Variants in FGF2 observed in about 807,000 individuals in gnomAD.
FGF2 encodes fibroblast growth factor 2, also known as basic fibroblast growth factor bFGF.
A neutral mutation model predicts 15.9 loss-of-function variants in FGF2; 13 were observed. The ratio of observed to expected loss-of-function variants is 0.82; its 90% CI spans 0.53 to 1.30. The LOEUF is 1.30. FGF2 is among the 50% of genes most tolerant of loss of function. The pLI, the probability that FGF2 is intolerant of heterozygous loss-of-function variation, is 0.00. For synonymous variants in FGF2, 90 were observed against 78.4 expected (o/e 1.15, Z -0.78); for missense variants, 163 against 196.9 (o/e 0.83, Z 1.03).
rs761906165 is a variant in FGF2, at chr4:122,893,114, T to C, written c.*718T>C. 2 of 1,614,190 alleles carry C rather than the reference T, an allele frequency of 1.2e-6. No individual in the cohort carries two copies. The highest frequency in any genetic ancestry group is 1.7e-6 in the Non-Finnish European group (2 of 1,180,028). ...CTTTAGGCGGCAGATGATATACATA[T>C]CTGACTTCCCAAAAGCTCCAGGATT... On this transcript the variant is annotated 3_prime_UTR_variant, in exon 3 of 3. Coordinates refer to ENST00000644866, the MANE Select transcript of FGF2 (RefSeq NM_001361665.2).
At position 122,826,896 on chromosome 4, in the gene FGF2, G is replaced by A; in HGVS notation, c.-279G>A. On this transcript the variant is annotated 5_prime_UTR_variant, in exon 1 of 3. Coordinates refer to ENST00000644866, the MANE Select transcript of FGF2 (RefSeq NM_001361665.2). ...CCCGGGCGCTGCAGCTTGGGAGGCG[G>A]CTCTCCCCAGGCGGCGTCCGCGGAG... The A allele has an allele frequency of 6.6e-7, 1 of 1,519,530 alleles. No individual in the cohort carries two copies. 94.1% of individuals were successfully genotyped at this position (1,519,530 alleles called of 1,614,324 possible). A position where few individuals can be genotyped will look rare whatever the true frequency, so the allele number is the denominator to read the frequency against.
chr4:122,855,639 A>T (rs78048710), intron 1 of FGF2, among the ~76,000 whole-genome samples: 4,352 of 152,222 alleles, frequency 0.029, 221 homozygotes, highest in African/African-American at 0.098. Flanking sequence ...GCTAGAAGAC[A>T]TTTTCTCATA....
rs577765433 is a variant in FGF2 at position 122,876,419 on chromosome 4, G to A, written c.277G>A (p.Ala93Thr). The change falls in exon 2 of 3, where the codon GCT becomes ACT. Residue 93 changes from alanine (A) to threonine (T), a missense_variant. Transcript: ENST00000644866. ...TATGAAGGAAGATGGAAGATTACTG[G>A]CTTCTGTAAGCATACTTTCTGTTTT... ...LAMKEDGRLL[A>T]SKCVTDECFF... 2 of 1,592,836 alleles carry A rather than the reference G, an allele frequency of 1.3e-6. No individual in the cohort carries two copies. The highest frequency in any genetic ancestry group is 2.2e-5 in the South Asian group (2 of 90,614).
chr4:122,867,681 A>G (rs567821560), intron 1 of FGF2, among the ~76,000 whole-genome samples: 1 of 152,298 alleles, frequency 6.6e-6, no homozygotes, highest in South Asian at 2.1e-4. Context: ...TCAAATGACT[A>G]TATTAGGAGG....
At position 122,897,040 on chromosome 4, in the gene FGF2, T is replaced by G. The variant is rs1727382329; in HGVS notation, c.*4644T>G. On this transcript the variant is annotated 3_prime_UTR_variant, in exon 3 of 3. Coordinates refer to ENST00000644866, the MANE Select transcript of FGF2 (RefSeq NM_001361665.2). The stretch of plus-strand genomic sequence containing the variant: ...TTTTATATTTCCTTGTCTTAAATAC[T>G]GAGCTCAGTAAGTTGTGTTAGGGGA... 6.6e-6 allele frequency: 1 copy of G among 152,208 alleles called. No individual in the cohort carries two copies. Among genetic ancestry groups the G allele is most frequent in the African/African-American group, 2.4e-5 (1 of 41,464 alleles). The allele number at this position is 152,208 out of a possible 1,614,324, so 9.4% of individuals were successfully genotyped here.
Position 122,830,816 on chromosome 4 carries a change from C to CAAAAAAA in FGF2, c.178+3482_178+3488dup, listed in dbSNP as rs35597051. Among the ~76,000 whole-genome samples, 871 of 92,784 alleles carry CAAAAAAA rather than the reference C, an allele frequency of 9.4e-3. 29 individuals are homozygous for CAAAAAAA. Among genetic ancestry groups the CAAAAAAA allele is most frequent in the South Asian group, 0.028 (63 of 2,234 alleles). The allele number at this position is 92,784 out of a possible 152,430, so 60.9% of individuals were successfully genotyped here. A position where few individuals can be genotyped will look rare whatever the true frequency, so the allele number is the denominator to read the frequency against. The stretch of plus-strand genomic sequence containing the variant: ...AATTTATTCCAGGTGCTCTTATTTA[C>CAAAAAAA]AAAAAAAAAAAAAAAAAAAAAAAAT... On this transcript the variant is annotated intron_variant, in intron 1 of 2. Coordinates refer to ENST00000644866, the MANE Select transcript of FGF2 (RefSeq NM_001361665.2).
intron 1 of FGF2, among the ~76,000 whole-genome samples, chr4:122,849,589 TTAAAG>T (rs1437689863): frequency 3.3e-5 from 5 of 152,092 alleles, no homozygotes; most frequent in East Asian, 1.9e-4. Flanking sequence ...ATCCCAGAAC[TTAAAG>T]TAAAATAAAA....
chr4:122,827,241 C>T lies in FGF2; in HGVS notation c.67C>T (p.Pro23Ser), dbSNP rs750806900. Residue 23 changes from proline to serine, a missense_variant, in exon 1 of 3, where the codon CCC becomes TCC. Physicochemically the swap from Pro to Ser is moderately conservative, Grantham distance 74 (BLOSUM62 -1). Coordinates refer to ENST00000644866, the MANE Select transcript of FGF2 (RefSeq NM_001361665.2). This position sits in a 1 kb window ranked among gnomAD's most constrained non-coding sequence, Gnocchi z 4.2. Reference sequence around the variant, plus strand: ...GGATGGCGGCAGCGGCGCCTTCCCGCCCGGCCACTTCAAGGACCCCAAGCG... The same window carrying T: ...GGATGGCGGCAGCGGCGCCTTCCCGTCCGGCCACTTCAAGGACCCCAAGCG... ...PEDGGSGAFP[P>S]GHFKDPKRLY... 16 of 1,611,914 alleles carry T rather than the reference C, an allele frequency of 9.9e-6. No individual in the cohort carries two copies. Among genetic ancestry groups the T allele is most frequent in the Admixed American group, 1.7e-5 (1 of 59,950 alleles).
At chr4:122,862,317 T>C (rs1454421518) in intron 1 of FGF2, among the ~76,000 whole-genome samples, 2 of 152,224 alleles carry the variant, frequency 1.3e-5, no homozygotes, top group Non-Finnish European at 2.9e-5. Flanking sequence ...GGATGATCCC[T>C]TACACTGCTG....
intron 1 of FGF2, among the ~76,000 whole-genome samples, chr4:122,851,444 G>T (rs1726229377): frequency 6.6e-6 from 1 of 152,114 alleles, no homozygotes; most frequent in Non-Finnish European, 1.5e-5. Context: ...CAGAAAAGAG[G>T]GTACTTCACA....
At chr4:122,871,659 T>C (rs965322534) in intron 1 of FGF2, among the ~76,000 whole-genome samples, 2 of 152,004 alleles carry the variant, frequency 1.3e-5, no homozygotes, top group African/African-American at 4.8e-5. Context: ...CCATCTTTGC[T>C]GTTCTCTAGC....
rs1401464499 is a variant in FGF2, at chr4:122,896,629, G to C, written c.*4233G>C. 6.6e-6 allele frequency: 1 copy of C among 152,056 alleles called. No individual in the cohort carries two copies. Among genetic ancestry groups the C allele is most frequent in the Non-Finnish European group, 1.5e-5 (1 of 68,008 alleles). The allele number at this position is 152,056 out of a possible 1,614,324, so 9.4% of individuals were successfully genotyped here. The stretch of plus-strand genomic sequence containing the variant: ...CATAAACTAAGCAAAAGGTCAATAA[G>C]TACCTGAAACCAAGATTGGCTAGAG... On this transcript the variant is annotated 3_prime_UTR_variant, in exon 3 of 3. Transcript: ENST00000644866.
chr4:122,827,362 G>A lies in FGF2; in HGVS notation c.178+10G>A, dbSNP rs377621586. On this transcript the variant is annotated intron_variant, in intron 1 of 2. Transcript: ENST00000644866. The surrounding 1 kb of genome is among the most constrained non-coding windows in gnomAD (Gnocchi z 4.2). ...AAGAGCGACCCTCACAGTGAGTGCC[G>A]ACCCGCTCTCTCCGCCTCATTTCCA... is the stretch of plus-strand genomic sequence containing the variant. 2 of 1,612,432 alleles carry A rather than the reference G, an allele frequency of 1.2e-6. No homozygotes were observed. The highest frequency in any genetic ancestry group is 1.7e-5 in the Admixed American group (1 of 59,988).
rs936364529 is a variant in FGF2 at position 122,827,570 on chromosome 4, G to C, written c.178+218G>C. On this transcript the variant is annotated intron_variant, in intron 1 of 2. Transcript: ENST00000644866. The surrounding 1 kb of genome is among the most constrained non-coding windows in gnomAD (Gnocchi z 4.2). ...GGGTGTCCCCTGGGCTTTGGGGTGT[G>C]CCAATTTGCCCTGTAAACCAGTACC... 6.6e-6 allele frequency among the ~76,000 whole-genome samples: 1 copy of C among 152,042 alleles called. No homozygotes were observed. The highest frequency in any genetic ancestry group is 1.5e-5 in the Non-Finnish European group (1 of 67,994).
Position 122,844,575 on chromosome 4 carries a change from CTTT to C in FGF2, c.178+17224_178+17226del, listed in dbSNP as rs1560740283. On this transcript the variant is annotated intron_variant, in intron 1 of 2. Transcript: ENST00000644866. ...TTTCTCTTTTTCTTTCTTTCTTTTT[CTTT>C]CTTTCTTTCTTCCTTCCTTCCTTCC... Among the ~76,000 whole-genome samples, 137 of 131,562 alleles carry C rather than the reference CTTT, an allele frequency of 1.0e-3. 1 individual carries two copies. Among genetic ancestry groups the C allele is most frequent in the African/African-American group, 3.8e-3 (121 of 32,144 alleles). 86.3% of individuals were successfully genotyped at this position (131,562 alleles called of 152,430 possible). A position where few individuals can be genotyped will look rare whatever the true frequency, so the allele number is the denominator to read the frequency against.
chr4:122,868,863 G>C (rs748798875), intron 1 of FGF2, among the ~76,000 whole-genome samples: 1 of 152,166 alleles, frequency 6.6e-6, no homozygotes, highest in South Asian at 2.1e-4. Flanking sequence ...TTTCTCTGAT[G>C]ATCAGTGATG....
At chr4:122,869,235 G>T (rs1482586308) in intron 1 of FGF2, among the ~76,000 whole-genome samples, 1 of 152,156 alleles carries the variant, frequency 6.6e-6, no homozygotes, top group Non-Finnish European at 1.5e-5. Flanking sequence ...TTTGGTTACT[G>T]CAGCCTTGTA....
intron 1 of FGF2, among the ~76,000 whole-genome samples, chr4:122,833,270 A>G (rs187829074): frequency 1.6e-4 from 24 of 152,236 alleles, no homozygotes; most frequent in Middle Eastern, 3.4e-3. Flanking sequence ...GAATTATCCA[A>G]TAGAATTCTG....
intron 2 of FGF2, among the ~76,000 whole-genome samples, chr4:122,884,137 A>G (rs1265049711): frequency 1.3e-5 from 2 of 152,230 alleles, no homozygotes; most frequent in Non-Finnish European, 2.9e-5. Flanking sequence ...CATAATGAGA[A>G]TTACTGTTCT....
Sources: gnomAD v4.1 joint callset for allele counts (sites outside exome capture counted in the v4.1 genomes callset) on GRCh38, gnomAD v4.1.1 for gene constraint, Gnocchi (gnomAD v3.1) non-coding constraint, MANE v1.5 for transcripts, NCBI Gene and HGNC (gene_info 2026-07-23, HGNC 2026-07-21) for gene names.